The following PTPN7 variants were observed in gnomAD, a reference collection of about 807,000 sequenced individuals.
The protein encoded by PTPN7 is tyrosine-protein phosphatase non-receptor type 7.
Under a neutral mutation model 50.3 loss-of-function variants are expected in PTPN7, and 33 were observed. The ratio of observed to expected loss-of-function variants is 0.66; its 90% CI spans 0.50 to 0.88. The LOEUF (loss-of-function observed/expected upper bound fraction) is 0.88, where lower values mean the gene tolerates loss of function less well. Among genes scored for constraint, PTPN7 ranks in the 40% least tolerant of loss-of-function variants. PTPN7 has a pLI of 0.00. For synonymous variants in PTPN7, 185 were observed against 186.6 expected, an observed-to-expected ratio of 0.99 and a Z score of 0.07; for missense variants, 412 against 475.4, an observed-to-expected ratio of 0.87 and a Z score of 1.24.
At chr1:202,152,015 T>C (rs1656061137) in intron 8 of PTPN7, among the ~76,000 whole-genome samples, 1 of 152,144 alleles carries the variant, frequency 6.6e-6, no homozygotes, top group African/African-American at 2.4e-5. Flanking sequence ...GTTTGAGCAA[T>C]TCTCCTGCCT....
At position 202,155,596 on chromosome 1, in the gene PTPN7, A is replaced by G. The variant is rs775621706; in HGVS notation, c.405T>C (p.Arg135=). The G allele has an allele frequency of 6.4e-7, 1 of 1,564,220 alleles. No homozygotes were observed. Among genetic ancestry groups the G allele is most frequent in the Non-Finnish European group, 8.8e-7 (1 of 1,134,728 alleles). The change falls in exon 5 of 10, where the codon CGT becomes CGC. Residue 135 remains arginine, a synonymous_variant. Coordinates refer to ENST00000691036, the MANE Select transcript of PTPN7 (RefSeq NM_002832.4). ...YKTILPNPQS[R]VCLGRAQSQE... ...GGCTCTGTGCCCGGCCTAGACAGAC[A>G]CGGCTCTGGGGATCTAGGAAATAAA...
intron 7 of PTPN7, among the ~76,000 whole-genome samples, chr1:202,153,373 C>T (rs1042278620): frequency 1.2e-4 from 19 of 152,220 alleles, no homozygotes; most frequent in African/African-American, 4.3e-4. Flanking sequence ...ATCCGCCCCC[C>T]TCAGCCTCCC....
rs1188503499 is a variant in PTPN7, at chr1:202,153,844, G to A, written c.607-9C>T. On this transcript the variant is annotated splice_polypyrimidine_tract_variant and intron_variant, in intron 6 of 9. Transcript: ENST00000691036. ...CAGTAGTGGACACATTTCTAGGAGG[G>A]AGGGAGCTGGGAGTCAGAAGAGGGT... The A allele has an allele frequency of 1.9e-6, 3 of 1,608,104 alleles. No individual in the cohort carries two copies. In the African/African-American group the frequency reaches 4.0e-5, roughly 22 times the overall value.
At chr1:202,155,249 A>T (rs1656522392) in intron 5 of PTPN7, among the ~76,000 whole-genome samples, 1 of 152,182 alleles carries the variant, frequency 6.6e-6, no homozygotes, top group South Asian at 2.1e-4. Flanking sequence ...CAACAATGCT[A>T]ACTTCCTGCT....
upstream of PTPN7, chr1:202,161,461 TG>T (rs1447445843): frequency 7.8e-7 from 1 of 1,289,806 alleles, no homozygotes; most frequent in Admixed American, 2.3e-5. Flanking sequence ...CCTGGATGCC[TG>T]GGACCTGAAG....
At chr1:202,155,694 C>T in intron 4 of PTPN7, 85 bp from the exon 5 acceptor site, 2 of 1,199,550 alleles carry the variant, frequency 1.7e-6, no homozygotes, top group South Asian at 2.5e-5. Context: ...GAGGAGAGTT[C>T]CTGTGCTCAT....
At position 202,157,719 on chromosome 1, in the gene PTPN7, A is replaced by G. The variant is rs1656836240; in HGVS notation, c.391+20T>C. On this transcript the variant is annotated intron_variant, in intron 4 of 9. Transcript: ENST00000691036. ...CCAGGGACTGTACCCGACTCCCTTC[A>G]TCCCAGCAGCAGTTCTTACTTGGCA... The G allele has an allele frequency of 1.2e-6, 2 of 1,602,140 alleles. No individual in the cohort carries two copies. Among genetic ancestry groups the G allele is most frequent in the East Asian group, 2.2e-5 (1 of 44,832 alleles).
At chr1:202,161,150 A>C (rs529179557), upstream of PTPN7, 5 of 1,188,202 alleles carry the variant, frequency 4.2e-6, no homozygotes, top group East Asian at 4.2e-5. Flanking sequence ...GAAAAAGAAG[A>C]AGCAAGAATC....
chr1:202,154,411 G>A lies in PTPN7; in HGVS notation c.469-88C>T. On this transcript the variant is annotated intron_variant, in intron 5 of 9. Transcript: ENST00000691036. ...CTAGATGCCTCAGGTGCTGGGGTCA[G>A]CCTGAAGCTGTGAACCACACGTGTA... 2.0e-6 allele frequency: 3 copies of A among 1,482,152 alleles called. No individual in the cohort carries two copies. In the South Asian group the frequency reaches 4.0e-5, roughly 20 times the overall value. The allele number at this position is 1,482,152 out of a possible 1,614,324, so 91.8% of individuals were successfully genotyped here. A position where few individuals can be genotyped will look rare whatever the true frequency, so the allele number is the denominator to read the frequency against.
intron 5 of PTPN7, among the ~76,000 whole-genome samples, chr1:202,155,171 C>T (rs1362225075): frequency 6.6e-6 from 1 of 152,078 alleles, no homozygotes; most frequent in Non-Finnish European, 1.5e-5. Context: ...GGGGAGGTCC[C>T]ATTAGTGCTG....
rs1454086333 is a variant in PTPN7 at position 202,159,114 on chromosome 1, T to A, written c.122+167A>T. 1.5e-6 allele frequency: 1 copy of A among 657,890 alleles called. No homozygotes were observed. The allele number at this position is 657,890 out of a possible 1,614,324, so 40.8% of individuals were successfully genotyped here. A position where few individuals can be genotyped will look rare whatever the true frequency, so the allele number is the denominator to read the frequency against. ...GATATGAAACTCTGTGCTCCAGACA[T>A]GCAAAAGACATGCAAATGAGCACTA... On this transcript the variant is annotated intron_variant, in intron 2 of 9. Coordinates refer to ENST00000691036, the MANE Select transcript of PTPN7 (RefSeq NM_002832.4). The surrounding 1 kb of genome is among the most constrained non-coding windows in gnomAD (Gnocchi z 4.6).
rs769643974 is a variant in PTPN7 at position 202,157,776 on chromosome 1, G to A, written c.354C>T (p.Gly118=). The A allele has an allele frequency of 1.9e-6, 3 of 1,614,140 alleles. 1 individual carries two copies. Among genetic ancestry groups the A allele is most frequent in the Middle Eastern group, 3.3e-4 (2 of 6,062 alleles). The change falls in exon 4 of 10, where the codon GGC becomes GGT. Residue 118 remains glycine, a synonymous_variant. Transcript: ENST00000691036. ...TCTTGTATCGGTCCTTGGAGGCGTGGCCAGGGATGTCCAGGTCTTCGGGGC... is the reference window on the plus strand; with the variant it reads ...TCTTGTATCGGTCCTTGGAGGCGTGACCAGGGATGTCCAGGTCTTCGGGGC... ...FVSPEDLDIP[G]HASKDRYKTI...
intron 3 of PTPN7, 49 bp downstream of exon 3, chr1:202,158,069 C>T: frequency 4.6e-6 from 7 of 1,513,862 alleles, no homozygotes; most frequent in Non-Finnish European, 6.2e-6. Flanking sequence ...CAGCTGGCTG[C>T]CTCTGATACA....
intron 4 of PTPN7, among the ~76,000 whole-genome samples, chr1:202,155,927 CTTAT>C (rs994455377): frequency 1.3e-5 from 2 of 152,098 alleles, no homozygotes; most frequent in Admixed American, 6.6e-5. Context: ...ACCTGGCTTG[CTTAT>C]TTATTTATTT....
chr1:202,148,846 A>AATT, intron 9 of PTPN7, 147 bp from the exon 10 acceptor site: 17 of 208,332 alleles, frequency 8.2e-5, no homozygotes, highest in Non-Finnish European at 1.0e-4. Flanking sequence ...TCATCTTTTC[A>AATT]CTTTTTTTTT....
chr1:202,161,458 G>GCCTGGATA, upstream of PTPN7: 1 of 1,289,818 alleles, frequency 7.8e-7, no homozygotes, highest in Non-Finnish European at 1.0e-6. Flanking sequence ...GTGCCTGGAT[G>GCCTGGATA]CCTGGGACCT....
At chr1:202,148,752 G>T in intron 9 of PTPN7, 53 bp from the exon 10 acceptor site, 1 of 1,493,870 alleles carries the variant, frequency 6.7e-7, no homozygotes, top group Admixed American at 1.8e-5. Flanking sequence ...GGTGCTGGCT[G>T]AATGGCTCCA....
rs183700926 is a variant in PTPN7 at position 202,149,512 on chromosome 1, G to C, written c.989+799C>G. ...ATCTCTGTCTAGATAAAGAAGAAGTGGGGGCTGGGCACAGTGGCTTAAGCC... is the reference window on the plus strand; with the variant it reads ...ATCTCTGTCTAGATAAAGAAGAAGTCGGGGCTGGGCACAGTGGCTTAAGCC... On this transcript the variant is annotated intron_variant, in intron 9 of 9. Coordinates refer to ENST00000691036, the MANE Select transcript of PTPN7 (RefSeq NM_002832.4). Among the ~76,000 whole-genome samples the C allele has an allele frequency of 4.1e-4, 62 of 152,284 alleles. 1 individual carries two copies. The highest frequency in any genetic ancestry group is 8.1e-4 in the Non-Finnish European group (55 of 68,026).
Position 202,159,366 on chromosome 1 carries a change from G to T in PTPN7, c.37C>A (p.Pro13Thr), listed in dbSNP as rs139984379. Residue 13 changes from proline (P) to threonine (T), a missense_variant, in exon 2 of 10, where the codon CCG becomes ACG. Pro to Thr is a conservative substitution (Grantham distance 38). Coordinates refer to ENST00000691036, the MANE Select transcript of PTPN7 (RefSeq NM_002832.4). The surrounding 1 kb of genome is among the most constrained non-coding windows in gnomAD (Gnocchi z 4.6). ...GCTGCCCCCAAAGACAAGGTCAACG[G>T]CTGTGCTCTGGAGCGCCCCCCATGG... Reference protein sequence around the residue: ...QAHGGRSRAQPLTLSLGAAMT... With the variant: ...QAHGGRSRAQTLTLSLGAAMT... 1.2e-6 allele frequency: 2 copies of T among 1,614,232 alleles called. No homozygotes were observed. The highest frequency in any genetic ancestry group is 1.7e-6 in the Non-Finnish European group (2 of 1,180,040).
Sources: allele counts gnomAD v4.1 joint callset (sites outside exome capture counted in the v4.1 genomes callset), GRCh38; gene constraint gnomAD v4.1.1; non-coding constraint Gnocchi (gnomAD v3.1); transcripts MANE v1.5; gene names NCBI Gene and HGNC (gene_info 2026-07-23, HGNC 2026-07-21).